PTPRD: variants seen among roughly 807,000 people sequenced by gnomAD.
The protein encoded by PTPRD is protein tyrosine phosphatase receptor type D.
PTPRD carries 34 observed loss-of-function variants against 214.5 expected under a neutral mutation model. That is an observed-to-expected ratio of 0.16 (90% confidence interval 0.12 to 0.21). PTPRD has a LOEUF of 0.21. Among genes scored for constraint, PTPRD ranks in the 10% least tolerant of loss-of-function variants. The pLI, the probability that PTPRD is intolerant of heterozygous loss-of-function variation, is 1.00. For missense variants in PTPRD, 2,545 were observed against 2,398.7 expected (o/e 1.06, Z -1.27); for synonymous variants, 1,128 against 845.7 (o/e 1.33, Z -5.79).
At chr9:10,130,267 C>A (rs1420727238) in intron 3 of PTPRD, among the ~76,000 whole-genome samples, 1 of 151,496 alleles carries the variant, frequency 6.6e-6, no homozygotes, top group Non-Finnish European at 1.5e-5. Flanking sequence ...AATACGTGAG[C>A]TTCCTACCTC....
At chr9:8,952,402 G>A (rs2099107269) in intron 11 of PTPRD, among the ~76,000 whole-genome samples, 1 of 151,874 alleles carries the variant, frequency 6.6e-6, no homozygotes, top group Non-Finnish European at 1.5e-5. Flanking sequence ...AATTTTTCTT[G>A]AATTAGCAAC....
intron 35 of PTPRD, among the ~76,000 whole-genome samples, chr9:8,430,794 T>C (rs570750252): frequency 5.6e-4 from 85 of 152,268 alleles, no homozygotes; most frequent in Non-Finnish European, 1.0e-3. Flanking sequence ...CTCCTCTTCC[T>C]AGTTCCACTA....
chr9:10,405,406 C>G (rs1247679388), intron 2 of PTPRD, among the ~76,000 whole-genome samples: 1 of 151,456 alleles, frequency 6.6e-6, no homozygotes, highest in Non-Finnish European at 1.5e-5. Flanking sequence ...CTTTCTGGTC[C>G]TGGAGGGGAG....
At chr9:8,798,381 T>A (rs2096493126) in intron 11 of PTPRD, among the ~76,000 whole-genome samples, 1 of 152,184 alleles carries the variant, frequency 6.6e-6, no homozygotes, top group South Asian at 2.1e-4. Flanking sequence ...AGAATGCAGA[T>A]AATACTGCTT....
In PTPRD at chr9:8,370,207, T is replaced by TACACAC. The variant is rs78658053; in HGVS notation, c.4661+5723_4661+5728dup. On this transcript the variant is annotated intron_variant, in intron 39 of 45. Coordinates refer to ENST00000381196, the MANE Select transcript of PTPRD (RefSeq NM_002839.4). ...TATTCATGCACTGCACATATATATA[T>TACACAC]ACACACACACACACACACACACACA... is the stretch of plus-strand genomic sequence containing the variant. Among the ~76,000 whole-genome samples, 550 of 82,038 alleles carry TACACAC rather than the reference T, an allele frequency of 6.7e-3. 9 individuals carry two copies. Among genetic ancestry groups the TACACAC allele is most frequent in the African/African-American group, 0.019 (501 of 27,054 alleles). The allele number at this position is 82,038 out of a possible 152,430, so 53.8% of individuals were successfully genotyped here. A position where few individuals can be genotyped will look rare whatever the true frequency, so the allele number is the denominator to read the frequency against.
chr9:10,224,628 G>C (rs1594717380), intron 3 of PTPRD, among the ~76,000 whole-genome samples: 1 of 151,898 alleles, frequency 6.6e-6, no homozygotes. Context: ...AATATTGATA[G>C]TTTCTTGTTA....
At position 10,603,549 on chromosome 9, in the gene PTPRD, C is replaced by T. The variant is rs558366668; in HGVS notation, c.-600+8849G>A. 1.1e-4 allele frequency among the ~76,000 whole-genome samples: 17 copies of T among 151,996 alleles called. No individual in the cohort carries two copies. In the South Asian group the frequency reaches 3.5e-3, roughly 32 times the overall value. On this transcript the variant is annotated intron_variant, in intron 2 of 45. Coordinates refer to ENST00000381196, the MANE Select transcript of PTPRD (RefSeq NM_002839.4). ...CACATCTGGGAAAATACGTTATTAACTTTAGGCAACTTAACCTCTATGTGC... is the reference window on the plus strand; with the variant it reads ...CACATCTGGGAAAATACGTTATTAATTTTAGGCAACTTAACCTCTATGTGC...
In PTPRD at chr9:9,596,772, C is replaced by G. The variant is rs2065289162; in HGVS notation, c.-286-21991G>C. On this transcript the variant is annotated intron_variant, in intron 7 of 45. Coordinates refer to ENST00000381196, the MANE Select transcript of PTPRD (RefSeq NM_002839.4). Reference sequence around the variant, plus strand: ...AGGCAATGAATTGAAATAATGTTAGCTTAAGTTAATTCTAAACATTTGCAA... The same window carrying G: ...AGGCAATGAATTGAAATAATGTTAGGTTAAGTTAATTCTAAACATTTGCAA... 3.3e-5 allele frequency among the ~76,000 whole-genome samples: 5 copies of G among 151,930 alleles called. No individual in the cohort carries two copies. The South Asian group carries it at 1.0e-3, about 32-fold the overall frequency.
chr9:10,150,696 T>A (rs542780586), intron 3 of PTPRD, among the ~76,000 whole-genome samples: 2 of 148,302 alleles, frequency 1.3e-5, no homozygotes, highest in South Asian at 2.2e-4. Flanking sequence ...TAATAATCTT[T>A]AAAAAAAAAG....
intron 2 of PTPRD, among the ~76,000 whole-genome samples, chr9:10,432,041 T>G (rs1588072106): frequency 6.6e-6 from 1 of 151,828 alleles, no homozygotes; most frequent in Non-Finnish European, 1.5e-5. Context: ...AACCCAAATG[T>G]CCAACAATGA....
At chr9:8,898,449 A>G (rs543577968) in intron 11 of PTPRD, among the ~76,000 whole-genome samples, 17 of 152,276 alleles carry the variant, frequency 1.1e-4, no homozygotes, top group Non-Finnish European at 2.4e-4. Flanking sequence ...CTTGGTGATT[A>G]TTTATACAAT....
At chr9:9,501,910 A>T (rs969967235) in intron 8 of PTPRD, among the ~76,000 whole-genome samples, 2 of 151,928 alleles carry the variant, frequency 1.3e-5, no homozygotes, top group African/African-American at 4.8e-5. Context: ...ACTTGGTGGG[A>T]TGCCTCTGAA....
intron 5 of PTPRD, among the ~76,000 whole-genome samples, chr9:9,792,114 G>C (rs945415223): frequency 3.7e-4 from 15 of 40,034 alleles, no homozygotes; most frequent in Non-Finnish European, 8.1e-4. Context: ...GAGATTTTCT[G>C]ACACTTTTTA....
intron 5 of PTPRD, among the ~76,000 whole-genome samples, chr9:9,878,980 G>A (rs963332671): frequency 6.6e-6 from 1 of 152,040 alleles, no homozygotes; most frequent in Non-Finnish European, 1.5e-5. Flanking sequence ...ATGAATAAAT[G>A]GGAGGAGATT....
At chr9:9,625,096 G>A (rs571104851) in intron 7 of PTPRD, among the ~76,000 whole-genome samples, 2 of 152,204 alleles carry the variant, frequency 1.3e-5, no homozygotes, top group South Asian at 2.1e-4. Flanking sequence ...CAAATTATTC[G>A]AAGTCACCAA....
At chr9:10,252,099 T>G (rs543053062) in intron 3 of PTPRD, among the ~76,000 whole-genome samples, 18 of 152,194 alleles carry the variant, frequency 1.2e-4, no homozygotes, top group Admixed American at 6.6e-4. Flanking sequence ...ACCCCACAGA[T>G]ATATACAATT....
intron 5 of PTPRD, among the ~76,000 whole-genome samples, chr9:9,819,386 C>T (rs182444947): frequency 2.2e-4 from 33 of 152,294 alleles, no homozygotes; most frequent in Non-Finnish European, 3.2e-4. Flanking sequence ...ATAAGAATTG[C>T]ACTTTGCAGA....
At chr9:9,528,177 T>C (rs1161619341) in intron 8 of PTPRD, among the ~76,000 whole-genome samples, 2 of 152,146 alleles carry the variant, frequency 1.3e-5, no homozygotes, top group Non-Finnish European at 2.9e-5. Flanking sequence ...GATAATTCTG[T>C]AGATCTTCAA....
At chr9:9,869,123 G>A (rs1323176485) in intron 5 of PTPRD, among the ~76,000 whole-genome samples, 1 of 152,074 alleles carries the variant, frequency 6.6e-6, no homozygotes, top group Admixed American at 6.6e-5. Context: ...ACCATTGGAG[G>A]TAAAATGAGG....
Sources: allele counts gnomAD v4.1 joint callset (sites outside exome capture counted in the v4.1 genomes callset), GRCh38; gene constraint gnomAD v4.1.1; transcripts MANE v1.5; gene names NCBI Gene and HGNC (gene_info 2026-07-23, HGNC 2026-07-21).